PIP5K1B: variants seen among roughly 807,000 people sequenced by gnomAD.
PIP5K1B encodes phosphatidylinositol 4-phosphate 5-kinase type-1 beta.
A neutral mutation model predicts 67.0 loss-of-function variants in PIP5K1B; 42 were observed. That is an observed-to-expected ratio of 0.63 (90% CI 0.49 to 0.81). PIP5K1B has a LOEUF of 0.81. Ranked by LOEUF, PIP5K1B falls within the 30% of genes least tolerant of loss-of-function variation. The pLI is 0.00. For synonymous variants in PIP5K1B, 214 were observed against 231.4 expected, an observed-to-expected ratio of 0.92 and a Z score of 0.68; for missense variants, 459 against 646.3, an observed-to-expected ratio of 0.71 and a Z score of 3.14.
rs747770696 is a variant in PIP5K1B, at chr9:68,894,530, CA to C, written c.665del (p.Asn222ThrfsTer7). 3 of 1,614,024 alleles carry C rather than the reference CA, an allele frequency of 1.9e-6. No individual in the cohort carries two copies. The South Asian group carries it at 3.3e-5, about 18-fold the overall frequency. ...CATCCCGTAAAGAGAGAGAGAAATC[CA>C]ACCCCACATTTAAGGACTTAGATTT... is the stretch of plus-strand genomic sequence containing the variant. ...RASRKEREKS[N>X]PTFKDLDFLQ... On this transcript the variant is annotated frameshift_variant, in exon 8 of 16. Transcript: ENST00000265382. LOFTEE classifies it high-confidence loss of function.
At chr9:68,933,326 T>C (rs1370713945) in intron 12 of PIP5K1B, among the ~76,000 whole-genome samples, 4 of 152,072 alleles carry the variant, frequency 2.6e-5, no homozygotes, top group Non-Finnish European at 4.4e-5. Flanking sequence ...GCAGATAGAA[T>C]GTTAAGGCAG....
At chr9:68,995,235 AAGAG>A (rs141707400) in intron 15 of PIP5K1B, among the ~76,000 whole-genome samples, 50 of 150,796 alleles carry the variant, frequency 3.3e-4, no homozygotes, top group Admixed American at 2.6e-3. Context: ...GGGAGAAAGA[AAGAG>A]AGAAAGAAAG....
chr9:68,822,347 G>T (rs2132071049), intron 3 of PIP5K1B: 1 of 268,798 alleles, frequency 3.7e-6, no homozygotes, highest in Non-Finnish European at 6.9e-6. Context: ...AAGCTTTGTA[G>T]AAAGAAACTT....
chr9:68,993,563 A>G lies in PIP5K1B; in HGVS notation c.1620+2306A>G, dbSNP rs570590047. ...TCCACCCTACCATTGCCCCCGCTTTAAAAAAAATAAGATTGTAGCAGATCA... is the reference window on the plus strand; with the variant it reads ...TCCACCCTACCATTGCCCCCGCTTTGAAAAAAATAAGATTGTAGCAGATCA... On this transcript the variant is annotated intron_variant, in intron 15 of 15. Transcript: ENST00000265382. Among the ~76,000 whole-genome samples, 8 of 152,094 alleles carry G rather than the reference A, an allele frequency of 5.3e-5. No individual in the cohort carries two copies. In the East Asian group the frequency reaches 1.5e-3, roughly 29 times the overall value.
intron 15 of PIP5K1B, among the ~76,000 whole-genome samples, chr9:69,001,768 G>A (rs986746323): frequency 2.0e-5 from 3 of 152,030 alleles, no homozygotes; most frequent in African/African-American, 7.3e-5. Flanking sequence ...TGAGATTTGG[G>A]TAGGGACACA....
At chr9:68,786,922 G>T (rs1029515292) in intron 2 of PIP5K1B, among the ~76,000 whole-genome samples, 1 of 152,152 alleles carries the variant, frequency 6.6e-6, no homozygotes, top group African/African-American at 2.4e-5. Flanking sequence ...CAACCGGAAG[G>T]TTGGGATTCA....
rs982574750 is a variant in PIP5K1B at position 68,919,577 on chromosome 9, G to A, written c.1067+15G>A. On this transcript the variant is annotated intron_variant, in intron 10 of 15. Coordinates refer to ENST00000265382, the MANE Select transcript of PIP5K1B (RefSeq NM_003558.4). ...CAATCATATAGGTAAGAAGTTTGAG[G>A]AGTGGTCTTTTATTATTTCAAAATC... is the stretch of plus-strand genomic sequence containing the variant. 2.7e-6 allele frequency: 4 copies of A among 1,481,270 alleles called. No individual in the cohort carries two copies. The African/African-American group carries it at 5.6e-5, about 21-fold the overall frequency. 91.8% of individuals were successfully genotyped at this position (1,481,270 alleles called of 1,614,324 possible). A position where few individuals can be genotyped will look rare whatever the true frequency, so the allele number is the denominator to read the frequency against.
chr9:68,765,608 T>C (rs1417049451), intron 2 of PIP5K1B, among the ~76,000 whole-genome samples: 1 of 152,184 alleles, frequency 6.6e-6, no homozygotes, highest in African/African-American at 2.4e-5. Flanking sequence ...ATATAATTTA[T>C]TATGGCTATT....
chr9:68,968,715 A>ATATATATTTT (rs779031015), intron 14 of PIP5K1B, among the ~76,000 whole-genome samples: 3 of 142,230 alleles, frequency 2.1e-5, no homozygotes, highest in African/African-American at 7.8e-5. Flanking sequence ...ATATATATAT[A>ATATATATTTT]TTTTTTTTTT....
intron 14 of PIP5K1B, among the ~76,000 whole-genome samples, chr9:68,969,523 A>G (rs117136140): frequency 0.018 from 2,669 of 152,248 alleles, 35 homozygotes; most frequent in Middle Eastern, 0.068. Context: ...TTTTTTATTC[A>G]ACAGTACTAG....
chr9:68,742,366 G>T (rs769615793), intron 1 of PIP5K1B, 135 bp from the exon 2 acceptor site: 1 of 152,194 alleles, frequency 6.6e-6, no homozygotes, highest in Non-Finnish European at 1.5e-5. Context: ...TATGTAATTT[G>T]TGTTGTATGT....
intron 2 of PIP5K1B, among the ~76,000 whole-genome samples, chr9:68,794,407 TTTC>T (rs1832172373): frequency 6.6e-6 from 1 of 152,046 alleles, no homozygotes; most frequent in African/African-American, 2.4e-5. Context: ...TCTTTCTTTC[TTTC>T]TTTCTTTCTT....
intron 7 of PIP5K1B, 119 bp downstream of exon 7, chr9:68,889,252 T>G: frequency 1.4e-6 from 1 of 734,312 alleles, no homozygotes; most frequent in Non-Finnish European, 2.3e-6. Flanking sequence ...GTAAGCTTTA[T>G]TCTGCATTTA....
At chr9:68,891,586 C>T (rs1824792358) in intron 7 of PIP5K1B, among the ~76,000 whole-genome samples, 1 of 152,066 alleles carries the variant, frequency 6.6e-6, no homozygotes, top group Non-Finnish European at 1.5e-5. Context: ...CAGAGTGCCC[C>T]TCCCATCAAT....
intron 4 of PIP5K1B, among the ~76,000 whole-genome samples, chr9:68,848,932 C>T (rs1822338719): frequency 6.6e-6 from 1 of 152,090 alleles, no homozygotes; most frequent in African/African-American, 2.4e-5. Context: ...ACTAAAACAA[C>T]AAGACTGGCA....
intron 14 of PIP5K1B, among the ~76,000 whole-genome samples, chr9:68,954,267 T>C (rs780023744): frequency 6.6e-6 from 1 of 152,176 alleles, no homozygotes; most frequent in Non-Finnish European, 1.5e-5. Context: ...CTTCTTCCAA[T>C]CTTCTCCCCT....
At chr9:68,932,171 A>G (rs78607317) in intron 12 of PIP5K1B, among the ~76,000 whole-genome samples, 3,090 of 152,226 alleles carry the variant, frequency 0.02, 79 homozygotes, top group African/African-American at 0.061. Context: ...TCCTCATTAC[A>G]CGGCTCTCAC....
chr9:68,934,023 A>G (rs557222594), intron 12 of PIP5K1B, among the ~76,000 whole-genome samples: 1 of 152,332 alleles, frequency 6.6e-6, no homozygotes, highest in East Asian at 1.9e-4. Context: ...CCAAAAACAT[A>G]TTCAGGGGAA....
At chr9:68,887,963 G>A (rs1028179733) in intron 6 of PIP5K1B, among the ~76,000 whole-genome samples, 1 of 150,556 alleles carries the variant, frequency 6.6e-6, no homozygotes, top group African/African-American at 2.4e-5. Flanking sequence ...GGAAGGAGTG[G>A]AGACTGGAAT....
Sources: allele counts gnomAD v4.1 joint callset (sites outside exome capture counted in the v4.1 genomes callset), GRCh38; gene constraint gnomAD v4.1.1; transcripts MANE v1.5; gene names NCBI Gene and HGNC (gene_info 2026-07-23, HGNC 2026-07-21).